The following DNAH14 variants were observed in gnomAD, a reference collection of about 807,000 sequenced individuals.
DNAH14 encodes axonemal beta dynein heavy chain 14.
DNAH14 carries 478 observed loss-of-function variants against 520.9 expected under a neutral mutation model. The ratio of observed to expected loss-of-function variants is 0.92; its 90% CI spans 0.85 to 0.99. The LOEUF is 0.99. Among genes scored for constraint, DNAH14 ranks in the 50% least tolerant of loss-of-function variants. The probability of loss-of-function intolerance (pLI) is 0.00; values close to 1 mark genes in which losing one functional copy is unlikely to be tolerated. For missense variants in DNAH14, 4,831 were observed against 5,234.5 expected (o/e 0.92, Z 2.38); for synonymous variants, 1,581 against 1,757.2 (o/e 0.90, Z 2.51).
chr1:225,119,957 C>T (rs2077162819), intron 26 of DNAH14, among the ~76,000 whole-genome samples: 1 of 152,188 alleles, frequency 6.6e-6, no homozygotes, highest in Admixed American at 6.5e-5. Flanking sequence ...TTCTGGCTCT[C>T]CTTTTCTTCA....
intron 64 of DNAH14, 82 bp from the exon 65 acceptor site, chr1:225,331,352 CTAT>C: frequency 7.5e-7 from 1 of 1,337,850 alleles, no homozygotes; most frequent in Non-Finnish European, 1.0e-6. Flanking sequence ...AATGGTAACA[CTAT>C]ATTTATATAA....
intron 84 of DNAH14, among the ~76,000 whole-genome samples, chr1:225,394,637 G>A (rs1438649732): frequency 1.3e-5 from 2 of 152,126 alleles, no homozygotes; most frequent in African/African-American, 4.8e-5. Flanking sequence ...GAGATCAGGA[G>A]TTCCAGACTA....
In DNAH14 at chr1:224,993,208, T is replaced by C. The variant is rs540263134; in HGVS notation, c.831-9575T>C. 1.5e-4 allele frequency among the ~76,000 whole-genome samples: 23 copies of C among 152,196 alleles called. No individual in the cohort carries two copies. In the South Asian group the frequency reaches 4.3e-3, roughly 29 times the overall value. ...TTGTTTGGCTTTTGGATCATGATAG[T>C]GCTGGGCCTCATAAAAAGAGTTTGG... On this transcript the variant is annotated intron_variant, in intron 8 of 85. Coordinates refer to ENST00000682510, the MANE Select transcript of DNAH14 (RefSeq NM_001367479.1).
chr1:225,220,119 A>G (rs1442547896), intron 41 of DNAH14, among the ~76,000 whole-genome samples: 3 of 152,200 alleles, frequency 2.0e-5, no homozygotes. Context: ...CCTTTATGCT[A>G]AAAACACTCA....
intron 3 of DNAH14, among the ~76,000 whole-genome samples, chr1:224,959,748 C>T (rs905347686): frequency 6.6e-5 from 10 of 152,126 alleles, no homozygotes; most frequent in East Asian, 1.9e-4. Context: ...TGAGGATTCA[C>T]ACTTTAAAGA....
chr1:225,276,988 AGGG>A (rs1558241857), intron 53 of DNAH14, among the ~76,000 whole-genome samples: 57 of 25,620 alleles, frequency 2.2e-3, no homozygotes, highest in East Asian at 0.017. Flanking sequence ...GAAGGAAGGG[AGGG>A]AGGAAGGAAG....
At chr1:225,252,965 T>A (rs1307261339) in intron 44 of DNAH14, among the ~76,000 whole-genome samples, 4 of 152,252 alleles carry the variant, frequency 2.6e-5, no homozygotes, top group Middle Eastern at 3.4e-3. Flanking sequence ...ATAATCAAGC[T>A]TCTTTAGAGT....
chr1:225,128,091 T>G (rs556883721), intron 27 of DNAH14, among the ~76,000 whole-genome samples: 1 of 152,228 alleles, frequency 6.6e-6, no homozygotes, highest in Non-Finnish European at 1.5e-5. Context: ...GTTAGTCTAA[T>G]GGGCTTCCCT....
chr1:225,116,388 A>G (rs1010568980), intron 23 of DNAH14, among the ~76,000 whole-genome samples: 1 of 152,212 alleles, frequency 6.6e-6, no homozygotes, highest in African/African-American at 2.4e-5. Context: ...TTAAAAGACT[A>G]GAAATATTGG....
Position 225,085,790 on chromosome 1 carries a change from G to GT in DNAH14, c.3573+2dup. 3 of 1,534,076 alleles carry GT rather than the reference G, an allele frequency of 2.0e-6. No homozygotes were observed. Among genetic ancestry groups the GT allele is most frequent in the Non-Finnish European group, 2.6e-6 (3 of 1,141,446 alleles). On this transcript the variant is annotated splice_donor_variant, in intron 21 of 85. Transcript: ENST00000682510. LOFTEE classifies it high-confidence loss of function. ...ATCTCCCCACATTGGGCCCATTAAG[G>GT]TAAGTATTATGGCAAAGGAAAAATG...
chr1:225,039,929 GTTATC>G, intron 12 of DNAH14, among the ~76,000 whole-genome samples: 1 of 141,906 alleles, frequency 7.0e-6, no homozygotes, highest in Admixed American at 7.1e-5. Flanking sequence ...GGCCTTTATA[GTTATC>G]TTTTCTTTTT....
In DNAH14 at chr1:225,389,829, G is replaced by A. The variant is rs2095882796; in HGVS notation, c.13286G>A (p.Gly4429Glu). 1 of 1,551,808 alleles carries A rather than the reference G, an allele frequency of 6.4e-7. No homozygotes were observed. The highest frequency in any genetic ancestry group is 8.7e-7 in the Non-Finnish European group (1 of 1,146,992). Residue 4429 changes from glycine (G) to glutamate (E), a missense_variant, in exon 83 of 86, where the codon GGG becomes GAG. Physicochemically the swap from Gly to Glu is moderately conservative, Grantham distance 98. Coordinates refer to ENST00000682510, the MANE Select transcript of DNAH14 (RefSeq NM_001367479.1). ...PEDSENNFFE[G>E]FPSRYWLPAF... is the part of the protein sequence containing the mutation. ...GATTCAGAGAACAATTTCTTTGAAG[G>A]GTTTCCTTCAAGATACTGGCTCCCA...
chr1:225,074,772 A>G (rs539101363), intron 17 of DNAH14, among the ~76,000 whole-genome samples: 4 of 152,128 alleles, frequency 2.6e-5, no homozygotes, highest in Admixed American at 6.5e-5. Flanking sequence ...GCCGCAGGCT[A>G]TAGTGGCTAA....
At chr1:224,937,054 G>T (rs2501074) in intron 1 of DNAH14, among the ~76,000 whole-genome samples, 1 of 151,814 alleles carries the variant, frequency 6.6e-6, no homozygotes, top group Non-Finnish European at 1.5e-5. Flanking sequence ...AATGAGTATA[G>T]AAGGAACATA....
rs1313183746 is a variant in DNAH14 at position 225,248,746 on chromosome 1, A to G, written c.6749-3555A>G. ...AACTTGAGGAAGGATCTGCAATGAC[A>G]TAACAAATAGGAACCTAAAGTCATT... On this transcript the variant is annotated intron_variant, in intron 43 of 85. Transcript: ENST00000682510. Among the ~76,000 whole-genome samples the G allele has an allele frequency of 9.2e-5, 14 of 152,330 alleles. No individual in the cohort carries two copies. In the South Asian group the frequency reaches 2.9e-3, roughly 32 times the overall value.
chr1:225,340,912 G>A (rs1310738504), intron 69 of DNAH14, among the ~76,000 whole-genome samples: 1 of 152,058 alleles, frequency 6.6e-6, no homozygotes, highest in Non-Finnish European at 1.5e-5. Flanking sequence ...TCATTGTGTT[G>A]TAGAACATTT....
intron 11 of DNAH14, among the ~76,000 whole-genome samples, chr1:225,031,760 AG>A (rs1558735352): frequency 2.6e-5 from 4 of 151,934 alleles, no homozygotes; most frequent in African/African-American, 9.7e-5. Flanking sequence ...ATACATTTTT[AG>A]TTGTTCATGT....
At chr1:225,031,288 A>G (rs1287746896) in intron 11 of DNAH14, among the ~76,000 whole-genome samples, 1 of 152,064 alleles carries the variant, frequency 6.6e-6, no homozygotes, top group African/African-American at 2.4e-5. Context: ...AAGAATTTCT[A>G]CTTAGACCAA....
Position 225,358,532 on chromosome 1 carries a change from G to T in DNAH14, c.11656G>T (p.Val3886Leu), listed in dbSNP as rs1418756033. The T allele has an allele frequency of 1.3e-6, 2 of 1,541,778 alleles. No individual in the cohort carries two copies. The change falls in exon 74 of 86, where the codon GTG becomes TTG. Residue 3886 changes from valine (V) to leucine (L), a missense_variant. Coordinates refer to ENST00000682510, the MANE Select transcript of DNAH14 (RefSeq NM_001367479.1). Reference sequence around the variant, plus strand: ...TAGACCAGAAAGTTTAAACAATTCAGTGAGAAAGTTTATAACTGAAAAAAT... The same window carrying T: ...TAGACCAGAAAGTTTAAACAATTCATTGAGAAAGTTTATAACTGAAAAAAT... ...VLRPESLNNS[V>L]RKFITEKMGN...
Sources: gnomAD v4.1 joint callset for allele counts (sites outside exome capture counted in the v4.1 genomes callset) on GRCh38, gnomAD v4.1.1 for gene constraint, MANE v1.5 for transcripts, NCBI Gene and HGNC (gene_info 2026-07-23, HGNC 2026-07-21) for gene names.